Variants in BLM observed in about 807,000 individuals in gnomAD.
BLM encodes the protein recQ-like DNA helicase BLM.
Under a neutral mutation model 135.3 loss-of-function variants are expected in BLM, and 95 were observed. The observed-to-expected ratio is 0.70, with a 90% CI of 0.59 to 0.83. The LOEUF (loss-of-function observed/expected upper bound fraction) is 0.83. Ranked by LOEUF, BLM falls within the 40% of genes least tolerant of loss-of-function variation. The probability of loss-of-function intolerance (pLI) is 0.00; values close to 1 mark genes in which losing one functional copy is unlikely to be tolerated. For missense variants in BLM, 1,518 were observed against 1,663.9 expected (o/e 0.91, Z 1.53); for synonymous variants, 520 against 589.2 (o/e 0.88, Z 1.70).
chr15:90,795,714 C>A (rs567506489), intron 16 of BLM, among the ~76,000 whole-genome samples: 1 of 152,306 alleles, frequency 6.6e-6, no homozygotes, highest in South Asian at 2.1e-4. Flanking sequence ...ATGAAAATCC[C>A]TGCCCTTGTG....
chr15:90,764,546 A>C (rs1033819983), intron 8 of BLM, among the ~76,000 whole-genome samples: 1 of 151,812 alleles, frequency 6.6e-6, no homozygotes, highest in African/African-American at 2.4e-5. Flanking sequence ...ATGGGATCTC[A>C]CTGTGTTGCC....
At chr15:90,757,522 A>G (rs1399835900) in intron 5 of BLM, among the ~76,000 whole-genome samples, 1 of 152,182 alleles carries the variant, frequency 6.6e-6, no homozygotes, top group Non-Finnish European at 1.5e-5. Flanking sequence ...TAAGATAGGA[A>G]TTCAGCAATT....
intron 21 of BLM, among the ~76,000 whole-genome samples, chr15:90,811,767 C>T (rs2151200293): frequency 6.6e-6 from 1 of 152,242 alleles, no homozygotes; most frequent in Admixed American, 6.5e-5. Context: ...AAGTGATCCT[C>T]CCACCTCAGC....
At chr15:90,724,076 G>T (rs1027688018) in intron 1 of BLM, among the ~76,000 whole-genome samples, 1 of 152,034 alleles carries the variant, frequency 6.6e-6, no homozygotes, top group African/African-American at 2.4e-5. Context: ...GCAGTAGAAT[G>T]ATCGTTGCTC....
intron 1 of BLM, among the ~76,000 whole-genome samples, chr15:90,728,836 C>T (rs934321748): frequency 2.6e-5 from 4 of 152,158 alleles, no homozygotes; most frequent in African/African-American, 9.7e-5. Context: ...AACACACTGT[C>T]TTAGTTTTCT....
At chr15:90,748,239 G>T (rs528190982) in intron 2 of BLM, among the ~76,000 whole-genome samples, 1 of 152,088 alleles carries the variant, frequency 6.6e-6, no homozygotes, top group African/African-American at 2.4e-5. Flanking sequence ...CTCCCAAGTA[G>T]CTGGGATTAC....
At chr15:90,729,906 C>A (rs879765160) in intron 1 of BLM, among the ~76,000 whole-genome samples, 1 of 152,152 alleles carries the variant, frequency 6.6e-6, no homozygotes. Context: ...AGTGCAGTGG[C>A]GTGATCTCGG....
chr15:90,788,381 T>G (rs1896806003), intron 14 of BLM, among the ~76,000 whole-genome samples: 1 of 151,956 alleles, frequency 6.6e-6, no homozygotes. Context: ...GCAAAAAGTT[T>G]AGAAATACAT....
chr15:90,758,895 T>C (rs1895887016), intron 5 of BLM, among the ~76,000 whole-genome samples: 1 of 152,170 alleles, frequency 6.6e-6, no homozygotes, highest in African/African-American at 2.4e-5. Context: ...TAGGAAATCT[T>C]GGTAACAGTA....
At chr15:90,749,260 A>G in intron 2 of BLM, 107 bp from the exon 3 acceptor site, 1 of 769,764 alleles carries the variant, frequency 1.3e-6, no homozygotes, top group East Asian at 2.7e-5. Flanking sequence ...CTCAGTTGGG[A>G]TACAATTAAT....
In BLM at chr15:90,769,580, C is replaced by T. The variant is rs1896244485; in HGVS notation, c.2549C>T (p.Pro850Leu). 1 of 1,613,810 alleles carries T rather than the reference C, an allele frequency of 6.2e-7. No individual in the cohort carries two copies. The highest frequency in any genetic ancestry group is 8.5e-7 in the Non-Finnish European group (1 of 1,179,848). ...DILTQLKILR[P>L]QVFSMSFNRH... ...CTGACTCAGCTGAAGATTCTCAGAC[C>T]TCAGGTGTAAGTTGTTGCACGTCAC... The change falls in exon 12 of 22, where the codon CCT (proline) becomes CTT (leucine). Residue 850 changes from proline (P) to leucine (L), a missense_variant. This residue lies in a region of BLM where 626 missense variants were observed against 681.1 expected (regional missense o/e 0.92). Coordinates refer to ENST00000355112, the MANE Select transcript of BLM (RefSeq NM_000057.4).
At chr15:90,790,104 A>G (rs1326710467) in intron 14 of BLM, among the ~76,000 whole-genome samples, 2 of 148,200 alleles carry the variant, frequency 1.3e-5, no homozygotes, top group East Asian at 4.1e-4. Context: ...CAGCTGATGA[A>G]TAGAAGGAGT....
chr15:90,804,923 G>A (rs766237072), intron 19 of BLM, among the ~76,000 whole-genome samples: 2 of 152,000 alleles, frequency 1.3e-5, no homozygotes, highest in Admixed American at 6.6e-5. Context: ...CACAACCTCC[G>A]CCTCCCAGGT....
rs59331923 is a variant in BLM, at chr15:90,747,237, C to CAAA, written c.-4-128_-4-126dup. ...GTAAATGTCAAAACAGTCTATTGAC[C>CAAA]AAAAAAAAAAAAAAAAAAAAAAAAA... On this transcript the variant is annotated intron_variant, in intron 1 of 21. Transcript: ENST00000355112. Among the ~76,000 whole-genome samples the CAAA allele has an allele frequency of 2.2e-3, 85 of 39,286 alleles. 9 individuals are homozygous for CAAA. The highest frequency in any genetic ancestry group is 7.4e-3 in the African/African-American group (78 of 10,576). The allele number at this position is 39,286 out of a possible 152,430, so 25.8% of individuals were successfully genotyped here. A position where few individuals can be genotyped will look rare whatever the true frequency, so the allele number is the denominator to read the frequency against.
intron 14 of BLM, among the ~76,000 whole-genome samples, chr15:90,789,191 G>A (rs983201204): frequency 3.9e-5 from 6 of 152,002 alleles, no homozygotes; most frequent in Non-Finnish European, 7.4e-5. Flanking sequence ...ACTTGATCTC[G>A]TTAGATTCAT....
Position 90,815,018 on chromosome 15 carries a change from T to G in BLM, c.4077-84T>G. 1 of 1,373,020 alleles carries G rather than the reference T, an allele frequency of 7.3e-7. No individual in the cohort carries two copies. The highest frequency in any genetic ancestry group is 1.0e-6 in the Non-Finnish European group (1 of 980,902). 85.1% of individuals were successfully genotyped at this position (1,373,020 alleles called of 1,614,324 possible). A position where few individuals can be genotyped will look rare whatever the true frequency, so the allele number is the denominator to read the frequency against. ...ACACATTAGGCCCAGGGAAGTGGTA[T>G]TGTAGCTCTGTGCAGGTTGAGAGGA... On this transcript the variant is annotated intron_variant, in intron 21 of 21. Transcript: ENST00000355112. This position sits in a 1 kb window ranked among gnomAD's most constrained non-coding sequence, Gnocchi z 4.6.
At chr15:90,797,414 CAAAAAAAAAAAAAAAAAA>C (rs56369282) in intron 16 of BLM, among the ~76,000 whole-genome samples, 17 of 109,572 alleles carry the variant, frequency 1.6e-4, no homozygotes, top group East Asian at 2.2e-4. Context: ...AACTCCATCT[CAAAAAAAAAAAAAAAAAA>C]AAAAAAAAAA....
chr15:90,810,137 A>G (rs1044119696), intron 20 of BLM, among the ~76,000 whole-genome samples: 3 of 150,476 alleles, frequency 2.0e-5, no homozygotes, highest in African/African-American at 7.3e-5. Flanking sequence ...TTGGCTCACT[A>G]TGCCTCCCAG....
chr15:90,779,537 A>C (rs189688708), intron 12 of BLM, among the ~76,000 whole-genome samples: 1 of 152,036 alleles, frequency 6.6e-6, no homozygotes, highest in Non-Finnish European at 1.5e-5. Context: ...TTAATCTACT[A>C]CCTTTTTTGC....
Sources: gnomAD v4.1 joint callset for allele counts (sites outside exome capture counted in the v4.1 genomes callset) on GRCh38, gnomAD v4.1.1 for gene constraint, gnomAD v4.1.1 regional missense constraint, Gnocchi (gnomAD v3.1) non-coding constraint, MANE v1.5 for transcripts, NCBI Gene and HGNC (gene_info 2026-07-23, HGNC 2026-07-21) for gene names.